Variants in TANC2 observed in about 807,000 individuals in gnomAD.
TANC2 encodes the protein tetratricopeptide repeat, ankyrin repeat and coiled-coil containing 2, also known as protein TANC2.
TANC2 carries 26 observed loss-of-function variants against 210.5 expected under a neutral mutation model. The ratio of observed to expected loss-of-function variants is 0.12; its 90% CI spans 0.09 to 0.17. The LOEUF (loss-of-function observed/expected upper bound fraction) is 0.17. TANC2 is among the 10% of genes least tolerant of loss of function. The pLI is 1.00. For synonymous variants in TANC2, 931 were observed against 967.1 expected (o/e 0.96, Z 0.69); for missense variants, 2,129 against 2,608.9 (o/e 0.82, Z 4.01).
chr17:63,192,323 G>A (rs1318310366), intron 5 of TANC2, among the ~76,000 whole-genome samples: 3 of 152,148 alleles, frequency 2.0e-5, no homozygotes, highest in African/African-American at 7.2e-5. Context: ...GCCACTCACA[G>A]AAGAATTCTT....
intron 4 of TANC2, among the ~76,000 whole-genome samples, chr17:63,110,636 G>T (rs940825400): frequency 2.7e-5 from 4 of 147,950 alleles, no homozygotes; most frequent in Non-Finnish European, 5.9e-5. Context: ...ATGGAGGTGT[G>T]ACATAACCTA....
At chr17:63,217,556 TAAGA>T (rs1174616546) in intron 7 of TANC2, among the ~76,000 whole-genome samples, 1 of 152,212 alleles carries the variant, frequency 6.6e-6, no homozygotes, top group African/African-American at 2.4e-5. Context: ...GCTTACTTGA[TAAGA>T]AAGAACCTGA....
chr17:63,179,717 A>G (rs1399866133), intron 5 of TANC2, among the ~76,000 whole-genome samples: 2 of 152,108 alleles, frequency 1.3e-5, no homozygotes, highest in Non-Finnish European at 2.9e-5. Context: ...TCTACTGTTC[A>G]ATGTCAAACT....
intron 4 of TANC2, among the ~76,000 whole-genome samples, chr17:63,144,727 C>T (rs1430796342): frequency 2.0e-5 from 3 of 151,944 alleles, no homozygotes; most frequent in Non-Finnish European, 2.9e-5. Flanking sequence ...AGATACTTTG[C>T]AGCTGTGTAT....
In TANC2 at chr17:63,420,621, C is replaced by T. The variant is rs553213380; in HGVS notation, c.4891C>T (p.Pro1631Ser). 1.1e-5 allele frequency: 18 copies of T among 1,613,960 alleles called. 1 individual carries two copies. In the South Asian group the frequency reaches 1.5e-4, roughly 14 times the overall value. ...AGGCCCTCAGTATCGGGCCAGCCCT[C>T]CAGCTGAAAGTATGAGTGTCTATAG... The change falls in exon 28 of 28, where the codon CCA becomes TCA. Residue 1631 changes from proline (P) to serine (S), a missense_variant. Pro to Ser is a moderately conservative substitution (Grantham distance 74, BLOSUM62 -1). Coordinates refer to ENST00000689528, the Ensembl canonical transcript of TANC2. The surrounding 1 kb of genome is among the most constrained non-coding windows in gnomAD (Gnocchi z 4.2).
In TANC2 at chr17:63,420,215, CGAG is replaced by C. The variant is rs754636925; in HGVS notation, c.4492_4494del (p.Glu1498del). On this transcript the variant is annotated inframe_deletion, in exon 28 of 28. Coordinates refer to ENST00000689528, the Ensembl canonical transcript of TANC2. This position sits in a 1 kb window ranked among gnomAD's most constrained non-coding sequence, Gnocchi z 4.2. ...ACATATACTCTGTACAGGATATATT[CGAG>C]GAGGAGTACCTGGAACAGGATGTTG... 4 of 1,608,860 alleles carry C rather than the reference CGAG, an allele frequency of 2.5e-6. No individual in the cohort carries two copies. The highest frequency in any genetic ancestry group is 3.4e-6 in the Non-Finnish European group (4 of 1,177,498).
intron 4 of TANC2, among the ~76,000 whole-genome samples, chr17:63,146,318 T>C (rs2039461684): frequency 6.6e-6 from 1 of 152,148 alleles, no homozygotes; most frequent in Admixed American, 6.5e-5. Flanking sequence ...TCTTTAGGGT[T>C]TTCTACATAT....
intron 1 of TANC2, among the ~76,000 whole-genome samples, chr17:62,995,006 T>C (rs2143630096): frequency 6.6e-6 from 1 of 152,356 alleles, no homozygotes; most frequent in Admixed American, 6.5e-5. Flanking sequence ...TGAAAGATGA[T>C]GCAATACTTT....
chr17:63,248,664 T>C (rs1376369463), intron 8 of TANC2, among the ~76,000 whole-genome samples: 1 of 152,150 alleles, frequency 6.6e-6, no homozygotes, highest in Non-Finnish European at 1.5e-5. Context: ...GGACCACATC[T>C]TCTGGCATGA....
chr17:63,112,534 T>G (rs2038090554), intron 4 of TANC2, among the ~76,000 whole-genome samples: 1 of 152,194 alleles, frequency 6.6e-6, no homozygotes, highest in Admixed American at 6.5e-5. Context: ...AAAGAACTGA[T>G]AGGGTCACAC....
intron 11 of TANC2, among the ~76,000 whole-genome samples, chr17:63,325,264 A>G (rs1452276208): frequency 3.9e-5 from 6 of 152,160 alleles, no homozygotes; most frequent in East Asian, 1.9e-4. Context: ...GCCATGCCCT[A>G]TCTTCCACCA....
At chr17:63,127,169 G>T (rs1191129356) in intron 4 of TANC2, among the ~76,000 whole-genome samples, 1 of 152,080 alleles carries the variant, frequency 6.6e-6, no homozygotes, top group African/African-American at 2.4e-5. Context: ...TCTTCTTATG[G>T]TACTAAATGT....
At chr17:63,024,136 C>T (rs1008142821) in intron 2 of TANC2, among the ~76,000 whole-genome samples, 1 of 152,072 alleles carries the variant, frequency 6.6e-6, no homozygotes, top group African/African-American at 2.4e-5. Context: ...AAAGGGGTCC[C>T]GATCCAGAGC....
At chr17:63,159,994 G>C (rs149218162) in intron 5 of TANC2, among the ~76,000 whole-genome samples, 45 of 152,362 alleles carry the variant, frequency 3.0e-4, no homozygotes, top group African/African-American at 1.1e-3. Flanking sequence ...CTGGCTTGCA[G>C]ATAACTGCCT....
chr17:63,328,824 A>G (rs2045742241), intron 11 of TANC2, among the ~76,000 whole-genome samples: 1 of 152,194 alleles, frequency 6.6e-6, no homozygotes, highest in Admixed American at 6.5e-5. Context: ...TAGGGAGGTG[A>G]TACATGTCAA....
intron 10 of TANC2, among the ~76,000 whole-genome samples, chr17:63,315,085 C>G (rs574979245): frequency 6.6e-6 from 1 of 152,278 alleles, no homozygotes; most frequent in African/African-American, 2.4e-5. Context: ...GTCAGTGTTG[C>G]ACTGCTTGGA....
rs192962474 is a variant in TANC2, at chr17:63,405,478, T to A, written c.3465+223T>A. ...AGATTGTATAGAAGGACTAACTACT[T>A]ATGTCCTGGTGATAGAGTGACCTCC... On this transcript the variant is annotated intron_variant, in intron 20 of 27. Transcript: ENST00000689528. Among the ~76,000 whole-genome samples the A allele has an allele frequency of 4.6e-5, 7 of 152,334 alleles. No homozygotes were observed. The East Asian group carries it at 1.2e-3, about 25-fold the overall frequency.
chr17:63,011,243 T>TG (rs1568315597), intron 2 of TANC2, among the ~76,000 whole-genome samples: 290 of 147,946 alleles, frequency 2.0e-3, no homozygotes, highest in Non-Finnish European at 2.2e-3. Context: ...GTGTGTGTGT[T>TG]TTTTTTACTA....
intron 19 of TANC2, among the ~76,000 whole-genome samples, chr17:63,403,986 G>A (rs1183907636): frequency 1.3e-5 from 2 of 152,120 alleles, no homozygotes; most frequent in Non-Finnish European, 2.9e-5. Flanking sequence ...CTCTGAATAC[G>A]TTTTAAAGTT....
Sources: gnomAD v4.1 joint callset for allele counts (sites outside exome capture counted in the v4.1 genomes callset) on GRCh38, gnomAD v4.1.1 for gene constraint, Gnocchi (gnomAD v3.1) non-coding constraint, MANE v1.5 for transcripts, NCBI Gene and HGNC (gene_info 2026-07-23, HGNC 2026-07-21) for gene names.